Variants in BCL2 observed in about 807,000 individuals in gnomAD.
BCL2 encodes BCL2 apoptosis regulator, also known as apoptosis regulator Bcl-2.
A neutral mutation model predicts 14.2 loss-of-function variants in BCL2; 1 was observed. The ratio of observed to expected loss-of-function variants is 0.07; its 90% CI spans 0.02 to 0.33. The LOEUF (loss-of-function observed/expected upper bound fraction) is 0.33. BCL2 is among the 10% of genes least tolerant of loss of function. The pLI is 0.99. For synonymous variants in BCL2, 151 were observed against 137.2 expected (o/e 1.10, Z -0.70); for missense variants, 247 against 305.9 (o/e 0.81, Z 1.44).
At chr18:63,229,600 C>T (rs1910638282) in intron 2 of BCL2, among the ~76,000 whole-genome samples, 1 of 152,168 alleles carries the variant, frequency 6.6e-6, no homozygotes, top group Non-Finnish European at 1.5e-5. Context: ...TCTCTTACTC[C>T]TTCTCTGGCT....
In BCL2 at chr18:63,156,257, C is replaced by T. The variant is rs117632402; in HGVS notation, c.586-27498G>A. 1.8e-3 allele frequency among the ~76,000 whole-genome samples: 281 copies of T among 152,248 alleles called. 5 individuals are homozygous for T. In the East Asian group the frequency reaches 0.023, roughly 13 times the overall value. ...GGAAAATAAACTGCAAATAACTTTTCCCGTTTGTGTCAATCTAGTGCTTTC... is the reference window on the plus strand; with the variant it reads ...GGAAAATAAACTGCAAATAACTTTTTCCGTTTGTGTCAATCTAGTGCTTTC... On this transcript the variant is annotated intron_variant, in intron 2 of 2. Coordinates refer to ENST00000333681, the MANE Select transcript of BCL2 (RefSeq NM_000633.3).
intron 2 of BCL2, among the ~76,000 whole-genome samples, chr18:63,301,357 A>C (rs1912955654): frequency 6.6e-6 from 1 of 152,262 alleles, no homozygotes; most frequent in Admixed American, 6.5e-5. Flanking sequence ...AAGCCACTGA[A>C]CTATACATTT....
rs1317281870 is a variant in BCL2, at chr18:63,318,355, G to A, written c.312C>T (p.Phe104=). The A allele has an allele frequency of 3.1e-6, 5 of 1,609,468 alleles. No individual in the cohort carries two copies. The highest frequency in any genetic ancestry group is 4.2e-6 in the Non-Finnish European group (5 of 1,177,200). Residue 104 remains phenylalanine, a synonymous_variant, in exon 2 of 3, where the codon TTC becomes TTT. Coordinates refer to ENST00000333681, the MANE Select transcript of BCL2 (RefSeq NM_000633.3). The surrounding 1 kb of genome is among the most constrained non-coding windows in gnomAD (Gnocchi z 7.4). The part of the protein sequence containing the change: ...HLTLRQAGDD[F]SRRYRRDFAE... Reference sequence around the variant, plus strand: ...CGAAGTCGCGGCGGTAGCGGCGGGAGAAGTCGTCGCCGGCCTGGCGGAGGG... The same window carrying A: ...CGAAGTCGCGGCGGTAGCGGCGGGAAAAGTCGTCGCCGGCCTGGCGGAGGG...
chr18:63,229,474 T>C (rs1318301021), intron 2 of BCL2, among the ~76,000 whole-genome samples: 2 of 152,190 alleles, frequency 1.3e-5, no homozygotes, highest in Non-Finnish European at 2.9e-5. Context: ...GACTGGATCA[T>C]GGGTCTGGAT....
chr18:63,292,998 G>T (rs1227099416), intron 2 of BCL2, among the ~76,000 whole-genome samples: 1 of 152,114 alleles, frequency 6.6e-6, no homozygotes, highest in Non-Finnish European at 1.5e-5. Context: ...TTGGTTGGAG[G>T]GTGTGTCCCC....
chr18:63,286,048 T>A lies in BCL2; in HGVS notation c.585+32034A>T, dbSNP rs532088434. 2.6e-5 allele frequency among the ~76,000 whole-genome samples: 4 copies of A among 152,306 alleles called. No homozygotes were observed. The South Asian group carries it at 6.2e-4, about 24-fold the overall frequency. On this transcript the variant is annotated intron_variant, in intron 2 of 2. Transcript: ENST00000333681. ...GAACTATGTCCTGCTCTTATACACA[T>A]AAAAGGGTCACTTGAGGAGCTTTGG...
At position 63,128,419 on chromosome 18, in the gene BCL2, C is replaced by T; in HGVS notation, c.*206G>A. 6.9e-6 allele frequency: 3 copies of T among 431,758 alleles called. No homozygotes were observed. The highest frequency in any genetic ancestry group is 1.2e-5 in the Non-Finnish European group (3 of 241,620). 26.7% of individuals were successfully genotyped at this position (431,758 alleles called of 1,614,324 possible). A position where few individuals can be genotyped will look rare whatever the true frequency, so the allele number is the denominator to read the frequency against. ...AAAAATAAATGATATTTCCCTTTGG[C>T]AGTAAATAGCTGATTCGACGTTTTG... On this transcript the variant is annotated 3_prime_UTR_variant, in exon 3 of 3. Coordinates refer to ENST00000333681, the MANE Select transcript of BCL2 (RefSeq NM_000633.3).
intron 2 of BCL2, among the ~76,000 whole-genome samples, chr18:63,181,279 C>A (rs1380866693): frequency 6.6e-6 from 1 of 152,182 alleles, no homozygotes; most frequent in Admixed American, 6.5e-5. Context: ...TGGCACGCCT[C>A]GCATACCCCT....
upstream of BCL2, chr18:63,319,969 C>G: frequency 6.4e-6 from 1 of 155,108 alleles, no homozygotes; most frequent in South Asian, 2.1e-4. Flanking sequence ...GAGCTCCCGC[C>G]GCGCAGCCCG....
chr18:63,210,998 C>T (rs963941101), intron 2 of BCL2, among the ~76,000 whole-genome samples: 9 of 151,886 alleles, frequency 5.9e-5, no homozygotes, highest in African/African-American at 2.2e-4. Flanking sequence ...CCTTGCTTTC[C>T]GCCCTGAATC....
intron 2 of BCL2, among the ~76,000 whole-genome samples, chr18:63,227,148 CA>C (rs1311634601): frequency 1.3e-5 from 2 of 152,058 alleles, no homozygotes; most frequent in Non-Finnish European, 2.9e-5. Context: ...TTACACAAAT[CA>C]AAAGGTAATG....
chr18:63,171,668 G>A (rs1002123566), intron 2 of BCL2, among the ~76,000 whole-genome samples: 7 of 152,192 alleles, frequency 4.6e-5, no homozygotes, highest in Admixed American at 3.3e-4. Context: ...TATGCTTCAA[G>A]CTGTAAGAGA....
intron 2 of BCL2, among the ~76,000 whole-genome samples, chr18:63,200,867 C>T (rs1909670836): frequency 6.6e-6 from 1 of 152,136 alleles, no homozygotes; most frequent in Non-Finnish European, 1.5e-5. Flanking sequence ...AAGTGATCCT[C>T]CCACCTCAGC....
intron 2 of BCL2, among the ~76,000 whole-genome samples, chr18:63,264,560 C>T (rs1911760512): frequency 6.6e-6 from 1 of 152,198 alleles, no homozygotes. Context: ...GCCAGGAAAT[C>T]ACAGCCCGAT....
rs376244131 is a variant in BCL2, at chr18:63,198,818, G to GAC, written c.586-70061_586-70060dup. ...ACACACACTGACACAGAGACACACAGACACACAGACATACACAGACACACA... is the reference window on the plus strand; with the variant it reads ...ACACACACTGACACAGAGACACACAGACACACACAGACATACACAGACACACA... On this transcript the variant is annotated intron_variant, in intron 2 of 2. Transcript: ENST00000333681. Among the ~76,000 whole-genome samples, 85 of 109,460 alleles carry GAC rather than the reference G, an allele frequency of 7.8e-4. 7 individuals are homozygous for GAC. The Middle Eastern group carries it at 0.022, about 28-fold the overall frequency. 71.8% of individuals were successfully genotyped at this position (109,460 alleles called of 152,430 possible).
chr18:63,193,329 A>G (rs1023574798), intron 2 of BCL2, among the ~76,000 whole-genome samples: 3 of 152,034 alleles, frequency 2.0e-5, no homozygotes, highest in African/African-American at 4.8e-5. Context: ...GTGTGTGTTA[A>G]GAACTCTTAA....
At chr18:63,314,027 G>A in intron 2 of BCL2, 1 of 152,146 alleles carries the variant, frequency 6.6e-6, no homozygotes, top group Non-Finnish European at 1.5e-5. Flanking sequence ...AGAGAATTCA[G>A]TTAACTATAA....
intron 2 of BCL2, among the ~76,000 whole-genome samples, chr18:63,268,971 C>G (rs1006913354): frequency 2.7e-5 from 4 of 150,746 alleles, no homozygotes; most frequent in Middle Eastern, 6.8e-3. Context: ...TTTTTAAATA[C>G]AGAGTCTTTC....
intron 2 of BCL2, among the ~76,000 whole-genome samples, chr18:63,171,272 C>A (rs1915214812): frequency 6.6e-6 from 1 of 152,188 alleles, no homozygotes; most frequent in South Asian, 2.1e-4. Flanking sequence ...ACCTTAATTT[C>A]TAAGATCTGG....
Sources: gnomAD v4.1 joint callset for allele counts (sites outside exome capture counted in the v4.1 genomes callset) on GRCh38, gnomAD v4.1.1 for gene constraint, Gnocchi (gnomAD v3.1) non-coding constraint, MANE v1.5 for transcripts, NCBI Gene and HGNC (gene_info 2026-07-23, HGNC 2026-07-21) for gene names.